SORCS3: variants seen among roughly 807,000 people sequenced by gnomAD.
The protein encoded by SORCS3 is VPS10 domain-containing receptor SorCS3.
A neutral mutation model predicts 146.3 loss-of-function variants in SORCS3; 57 were observed. The ratio of observed to expected loss-of-function variants is 0.39; its 90% CI spans 0.31 to 0.49. The LOEUF (loss-of-function observed/expected upper bound fraction) is 0.49, where lower values mean the gene tolerates loss of function less well. Ranked by LOEUF, SORCS3 falls within the 20% of genes least tolerant of loss-of-function variation. The pLI, the probability that SORCS3 is intolerant of heterozygous loss-of-function variation, is 0.92. For synonymous variants in SORCS3, 653 were observed against 618.5 expected (o/e 1.06, Z -0.83); for missense variants, 1,341 against 1,575.5 (o/e 0.85, Z 2.52).
intron 5 of SORCS3, among the ~76,000 whole-genome samples, chr10:105,087,497 A>G (rs1040862475): frequency 2.0e-5 from 3 of 151,846 alleles, no homozygotes; most frequent in Admixed American, 1.3e-4. Context: ...GAAAAAAAAA[A>G]AAAGAAAGAA....
intron 1 of SORCS3, among the ~76,000 whole-genome samples, chr10:104,655,280 TTAA>T (rs1197220492): frequency 2.0e-5 from 3 of 152,080 alleles, no homozygotes; most frequent in African/African-American, 7.2e-5. Context: ...TTTTATTTAT[TTAA>T]TTTTAGCTTC....
At chr10:104,754,191 C>T (rs1024880325) in intron 1 of SORCS3, among the ~76,000 whole-genome samples, 4 of 152,094 alleles carry the variant, frequency 2.6e-5, no homozygotes, top group African/African-American at 9.7e-5. Context: ...GGATTTTATC[C>T]CAGGCCTGCC....
chr10:104,892,267 A>G (rs1030765113), intron 2 of SORCS3, among the ~76,000 whole-genome samples: 1 of 152,200 alleles, frequency 6.6e-6, no homozygotes, highest in African/African-American at 2.4e-5. Flanking sequence ...GCTAGTTGGG[A>G]TTAGGTATTA....
At chr10:105,089,731 A>C (rs367623695) in intron 5 of SORCS3, 44 bp from the exon 6 acceptor site, 1 of 1,537,172 alleles carries the variant, frequency 6.5e-7, no homozygotes, top group Non-Finnish European at 9.0e-7. Flanking sequence ...GCTGTCTGCT[A>C]TCGGTGTTGT....
intron 7 of SORCS3, among the ~76,000 whole-genome samples, chr10:105,107,925 A>G (rs1488431392): frequency 2.0e-5 from 3 of 152,190 alleles, no homozygotes; most frequent in African/African-American, 7.2e-5. Context: ...ATCTATAAAA[A>G]GAAGATAATT....
intron 9 of SORCS3, among the ~76,000 whole-genome samples, chr10:105,155,543 A>G (rs1452511669): frequency 6.6e-6 from 1 of 152,230 alleles, no homozygotes; most frequent in Non-Finnish European, 1.5e-5. Flanking sequence ...AGAGAATCCC[A>G]GATTCCATTC....
intron 1 of SORCS3, among the ~76,000 whole-genome samples, chr10:104,692,136 C>G (rs2016121142): frequency 1.3e-5 from 2 of 152,074 alleles, no homozygotes; most frequent in Admixed American, 1.3e-4. Context: ...ATGGGATCAT[C>G]TCAACAAGGA....
At chr10:105,170,727 A>G (rs1483359958) in intron 13 of SORCS3, among the ~76,000 whole-genome samples, 1 of 152,244 alleles carries the variant, frequency 6.6e-6, no homozygotes, top group Admixed American at 6.5e-5. Flanking sequence ...AGAAAACAAC[A>G]GCAACAACAA....
intron 1 of SORCS3, among the ~76,000 whole-genome samples, chr10:104,763,805 C>T (rs941615752): frequency 1.3e-5 from 2 of 152,050 alleles, no homozygotes; most frequent in Non-Finnish European, 2.9e-5. Context: ...GGGGTGGTTC[C>T]CTGCATGCTG....
chr10:104,789,062 C>T (rs1256040662), intron 1 of SORCS3, among the ~76,000 whole-genome samples: 1 of 152,102 alleles, frequency 6.6e-6, no homozygotes. Flanking sequence ...GGGCAGGAGT[C>T]AAAGAGATAA....
At chr10:105,255,324 G>A (rs2056924783) in intron 23 of SORCS3, among the ~76,000 whole-genome samples, 1 of 152,142 alleles carries the variant, frequency 6.6e-6, no homozygotes, top group African/African-American at 2.4e-5. Flanking sequence ...GCCTGTTGTG[G>A]TGTCGGGGGA....
intron 4 of SORCS3, among the ~76,000 whole-genome samples, chr10:105,026,746 G>A (rs578166774): frequency 6.6e-6 from 1 of 152,242 alleles, no homozygotes; most frequent in South Asian, 2.1e-4. Context: ...CAAATACCAC[G>A]TGTTCTCACT....
chr10:104,831,844 A>G (rs1034783002), intron 1 of SORCS3, among the ~76,000 whole-genome samples: 6 of 152,198 alleles, frequency 3.9e-5, no homozygotes, highest in Non-Finnish European at 1.5e-5. Context: ...GAAAGCAAGT[A>G]GGTGATGGGG....
rs1162094040 is a variant in SORCS3, at chr10:104,641,510, G to C, written c.183G>C (p.Pro61=). The stretch of plus-strand genomic sequence containing the variant: ...CACCGGCGTTGTCTCCACTCTCGCC[G>C]CGGGCAGTGGCCAGCCAGTGGCCGG... ...SRPPALSPLS[P]RAVASQWPEE... Residue 61 remains proline (P), a synonymous_variant, in exon 1 of 27, where the codon CCG becomes CCC. Transcript: ENST00000369701. The surrounding 1 kb of genome is among the most constrained non-coding windows in gnomAD (Gnocchi z 6.4). 1 of 1,473,750 alleles carries C rather than the reference G, an allele frequency of 6.8e-7. No homozygotes were observed. 91.3% of individuals were successfully genotyped at this position (1,473,750 alleles called of 1,614,324 possible).
chr10:105,212,294 C>T (rs2056638772), intron 17 of SORCS3, among the ~76,000 whole-genome samples: 1 of 152,158 alleles, frequency 6.6e-6, no homozygotes, highest in Non-Finnish European at 1.5e-5. Flanking sequence ...AGGATCTTTG[C>T]TGTTATTTAA....
In SORCS3 at chr10:105,242,774, A is replaced by G. The variant is rs534565863; in HGVS notation, c.2869-2768A>G. ...TATATTTATATTTTATATATTTTATATATTTATATATTTATATACATTTAT... is the reference window on the plus strand; with the variant it reads ...TATATTTATATTTTATATATTTTATGTATTTATATATTTATATACATTTAT... On this transcript the variant is annotated intron_variant, in intron 20 of 26. Transcript: ENST00000369701. Among the ~76,000 whole-genome samples, 8 of 89,278 alleles carry G rather than the reference A, an allele frequency of 9.0e-5. No homozygotes were observed. The South Asian group carries it at 2.3e-3, about 25-fold the overall frequency. The allele number at this position is 89,278 out of a possible 152,430, so 58.6% of individuals were successfully genotyped here.
intron 3 of SORCS3, among the ~76,000 whole-genome samples, chr10:104,971,271 G>GT (rs2054859040): frequency 6.6e-6 from 1 of 152,224 alleles, no homozygotes; most frequent in African/African-American, 2.4e-5. Flanking sequence ...GGCTAACATG[G>GT]TAAGACTGGC....
At chr10:104,855,453 A>G (rs566580520) in intron 2 of SORCS3, among the ~76,000 whole-genome samples, 5 of 152,280 alleles carry the variant, frequency 3.3e-5, no homozygotes, top group Non-Finnish European at 2.9e-5. Flanking sequence ...GAATCCATGA[A>G]CATGGTGGTA....
At chr10:105,208,283 G>T (rs1274315757) in intron 16 of SORCS3, among the ~76,000 whole-genome samples, 1 of 151,574 alleles carries the variant, frequency 6.6e-6, no homozygotes, top group East Asian at 1.9e-4. Context: ...GGAGGTTTCA[G>T]TGATCTGAGA....
Sources: gnomAD v4.1 joint callset for allele counts (sites outside exome capture counted in the v4.1 genomes callset) on GRCh38, gnomAD v4.1.1 for gene constraint, Gnocchi (gnomAD v3.1) non-coding constraint, MANE v1.5 for transcripts, NCBI Gene and HGNC (gene_info 2026-07-23, HGNC 2026-07-21) for gene names.